The following COLEC12 variants were observed in gnomAD, a reference collection of about 807,000 sequenced individuals.
COLEC12 encodes the protein collectin subfamily member 12.
In COLEC12, 33 loss-of-function variants were observed where a neutral mutation model predicts 71.1. The ratio of observed to expected loss-of-function variants is 0.46; its 90% confidence interval spans 0.35 to 0.62. The LOEUF (loss-of-function observed/expected upper bound fraction) is 0.62, where lower values mean the gene tolerates loss of function less well. COLEC12 is among the 20% of genes least tolerant of loss of function. The probability of loss-of-function intolerance (pLI) is 0.00; values close to 1 mark genes in which losing one functional copy is unlikely to be tolerated. For synonymous variants in COLEC12, 350 were observed against 353.0 expected, an observed-to-expected ratio of 0.99 and a Z score of 0.10; for missense variants, 765 against 916.1, an observed-to-expected ratio of 0.84 and a Z score of 2.13.
intron 2 of COLEC12, among the ~76,000 whole-genome samples, chr18:465,794 C>T (rs1484166844): frequency 2.0e-5 from 3 of 152,216 alleles, no homozygotes; most frequent in Admixed American, 6.5e-5. Context: ...TACCTATGGC[C>T]GGGCACAGTG....
At chr18:490,709 C>A (rs1023374846) in intron 1 of COLEC12, among the ~76,000 whole-genome samples, 1 of 152,188 alleles carries the variant, frequency 6.6e-6, no homozygotes, top group African/African-American at 2.4e-5. Flanking sequence ...CCCCAAAGAG[C>A]CAGAGTGTGG....
At chr18:386,684 T>C (rs1915351455) in intron 2 of COLEC12, among the ~76,000 whole-genome samples, 2 of 152,112 alleles carry the variant, frequency 1.3e-5, no homozygotes, top group East Asian at 1.9e-4. Context: ...GAAACATATA[T>C]TACAGGAAAA....
rs530420376 is a variant in COLEC12, at chr18:399,900, A to C, written c.59-42378T>G. On this transcript the variant is annotated intron_variant, in intron 2 of 9. Coordinates refer to ENST00000400256, the MANE Select transcript of COLEC12 (RefSeq NM_130386.3). The surrounding 1 kb of genome is among the most constrained non-coding windows in gnomAD (Gnocchi z 4.0). The stretch of plus-strand genomic sequence containing the variant: ...ACTAGCCCAGCTTCTAACAGCCCCC[A>C]GTTTTTGGCTTGATCCTCAGACAAC... Among the ~76,000 whole-genome samples the C allele has an allele frequency of 3.3e-5, 5 of 150,486 alleles. No homozygotes were observed. The highest frequency in any genetic ancestry group is 2.6e-4 in the Admixed American group (4 of 15,146).
At chr18:356,895 G>C (rs1405177509) in intron 3 of COLEC12, among the ~76,000 whole-genome samples, 1 of 152,176 alleles carries the variant, frequency 6.6e-6, no homozygotes, top group African/African-American at 2.4e-5. Context: ...CTACAGGGCA[G>C]TATTTTTATA....
chr18:435,926 C>G (rs1023377864), intron 2 of COLEC12, among the ~76,000 whole-genome samples: 1 of 152,198 alleles, frequency 6.6e-6, no homozygotes, highest in Non-Finnish European at 1.5e-5. Context: ...GACGGCATTT[C>G]TGGCAGTCAG....
At chr18:379,427 G>A (rs1422181831) in intron 2 of COLEC12, among the ~76,000 whole-genome samples, 7 of 151,984 alleles carry the variant, frequency 4.6e-5, no homozygotes, top group South Asian at 2.1e-4. Context: ...GCACCCAGCC[G>A]GGAGAAAAAG....
chr18:444,689 G>A (rs1023886670), intron 2 of COLEC12, among the ~76,000 whole-genome samples: 18 of 151,974 alleles, frequency 1.2e-4, no homozygotes, highest in African/African-American at 4.3e-4. Flanking sequence ...ATATAGGCGC[G>A]AAAACAAGAA....
At chr18:329,518 C>T (rs896098413) in intron 8 of COLEC12, among the ~76,000 whole-genome samples, 1 of 152,236 alleles carries the variant, frequency 6.6e-6, no homozygotes, top group African/African-American at 2.4e-5. Flanking sequence ...ATGGTGATTC[C>T]TGCAACTGTT....
At position 346,262 on chromosome 18, in the gene COLEC12, T is replaced by TAATACA; in HGVS notation, c.1327+27_1327+32dup. ...AACTTGTTATGCAGCAATAAACAAC[T>TAATACA]AATACAAATACAAATTCAGAATTTT... On this transcript the variant is annotated intron_variant, in intron 5 of 9. Coordinates refer to ENST00000400256, the MANE Select transcript of COLEC12 (RefSeq NM_130386.3). This position sits in a 1 kb window ranked among gnomAD's most constrained non-coding sequence, Gnocchi z 4.0. 1 of 1,476,202 alleles carries TAATACA rather than the reference T, an allele frequency of 6.8e-7. No individual in the cohort carries two copies. Among genetic ancestry groups the TAATACA allele is most frequent in the Non-Finnish European group, 9.3e-7 (1 of 1,079,768 alleles). The allele number at this position is 1,476,202 out of a possible 1,614,324, so 91.4% of individuals were successfully genotyped here.
At chr18:457,465 C>G (rs1417826946) in intron 2 of COLEC12, among the ~76,000 whole-genome samples, 1 of 152,198 alleles carries the variant, frequency 6.6e-6, no homozygotes, top group Non-Finnish European at 1.5e-5. Flanking sequence ...CATGCTGGAG[C>G]TGATGAAGGC....
At chr18:344,602 C>G (rs556744496) in intron 5 of COLEC12, among the ~76,000 whole-genome samples, 1 of 152,336 alleles carries the variant, frequency 6.6e-6, no homozygotes, top group Admixed American at 6.5e-5. Context: ...TGTTACTTCC[C>G]TTTTTCTTAA....
intron 2 of COLEC12, among the ~76,000 whole-genome samples, chr18:445,872 T>A (rs895554162): frequency 2.0e-5 from 3 of 152,198 alleles, no homozygotes; most frequent in African/African-American, 7.2e-5. Flanking sequence ...GCTCAAGTGA[T>A]CTGCCTGCCT....
Position 334,752 on chromosome 18 carries a change from C to T in COLEC12, c.1806G>A (p.Pro602=), listed in dbSNP as rs139503424. ...LALQNEPTPA[P]EDNGCPPHWK... Reference sequence around the variant, plus strand: ...AGGGCTTGGACTTACCATTGTCCTCCGGTGCTGGGGTTGGCTCATTCTGCA... The same window carrying T: ...AGGGCTTGGACTTACCATTGTCCTCTGGTGCTGGGGTTGGCTCATTCTGCA... Residue 602 remains proline, a synonymous_variant, in exon 6 of 10, where the codon CCG becomes CCA. Coordinates refer to ENST00000400256, the MANE Select transcript of COLEC12 (RefSeq NM_130386.3). The T allele has an allele frequency of 5.6e-4, 824 of 1,469,650 alleles. 3 individuals are homozygous for T. The Middle Eastern group carries it at 8.6e-3, about 15-fold the overall frequency. The allele number at this position is 1,469,650 out of a possible 1,614,324, so 91.0% of individuals were successfully genotyped here.
chr18:377,665 C>T (rs1039412497), intron 2 of COLEC12, among the ~76,000 whole-genome samples: 1 of 152,232 alleles, frequency 6.6e-6, no homozygotes, highest in African/African-American at 2.4e-5. Context: ...TGGAGGGAAT[C>T]CTTGGCCATT....
chr18:480,754 T>C lies in COLEC12; in HGVS notation c.11A>G (p.Asp4Gly). The C allele has an allele frequency of 6.2e-7, 1 of 1,613,948 alleles. No individual in the cohort carries two copies. Among genetic ancestry groups the C allele is most frequent in the Non-Finnish European group, 8.5e-7 (1 of 1,179,902 alleles). The change falls in exon 2 of 10, where the codon GAC (aspartate) becomes GGC (glycine). Residue 4 changes from aspartate (D) to glycine (G), a missense_variant. Transcript: ENST00000400256. The surrounding 1 kb of genome is among the most constrained non-coding windows in gnomAD (Gnocchi z 4.1). ...TTGCACCTCCTCCTCCTCTGCGAAG[T>C]CGTCTGTGAGAGAAGAAGAGACACG... MKD[D>G]FAEEEEVQSF...
At chr18:329,606 A>G (rs1913925053) in intron 8 of COLEC12, among the ~76,000 whole-genome samples, 1 of 152,122 alleles carries the variant, frequency 6.6e-6, no homozygotes, top group Non-Finnish European at 1.5e-5. Context: ...GTGCCAGATT[A>G]TGCCAGGGGG....
At chr18:393,506 T>C (rs1032505223) in intron 2 of COLEC12, among the ~76,000 whole-genome samples, 1 of 151,810 alleles carries the variant, frequency 6.6e-6, no homozygotes, top group Non-Finnish European at 1.5e-5. Context: ...AAACTGTATA[T>C]AAACAAGCCA....
rs1915534572 is a variant in COLEC12 at position 394,788 on chromosome 18, C to T, written c.59-37266G>A. ...CAGAAGCGCCACTTGACTCCCAAGCCTACTGTTCTTCCCATGACACCATGC... is the reference window on the plus strand; with the variant it reads ...CAGAAGCGCCACTTGACTCCCAAGCTTACTGTTCTTCCCATGACACCATGC... On this transcript the variant is annotated intron_variant, in intron 2 of 9. Coordinates refer to ENST00000400256, the MANE Select transcript of COLEC12 (RefSeq NM_130386.3). Among the ~76,000 whole-genome samples the T allele has an allele frequency of 2.6e-5, 4 of 152,208 alleles. No individual in the cohort carries two copies. The South Asian group carries it at 8.3e-4, about 31-fold the overall frequency.
In COLEC12 at chr18:460,889, G is replaced by A. The variant is rs1415715238; in HGVS notation, c.58+19818C>T. ...TCACTCGGAGGGTCAGAGAAGCGCC[G>A]TATCCAATTATCACAGGACTTTGCT... On this transcript the variant is annotated intron_variant, in intron 2 of 9. Transcript: ENST00000400256. 4.6e-5 allele frequency among the ~76,000 whole-genome samples: 7 copies of A among 152,300 alleles called. No individual in the cohort carries two copies. The South Asian group carries it at 8.3e-4, about 18-fold the overall frequency.
Sources: allele counts gnomAD v4.1 joint callset (sites outside exome capture counted in the v4.1 genomes callset), GRCh38; gene constraint gnomAD v4.1.1; non-coding constraint Gnocchi (gnomAD v3.1); transcripts MANE v1.5; gene names NCBI Gene and HGNC (gene_info 2026-07-23, HGNC 2026-07-21).